Variants in FLNA observed in about 807,000 individuals in gnomAD.
FLNA encodes the protein filamin-A.
FLNA carries 7 observed loss-of-function variants against 157.6 expected under a neutral mutation model. The ratio of observed to expected loss-of-function variants is 0.04; its 90% CI spans 0.03 to 0.08. The LOEUF is 0.08. Among genes scored for constraint, FLNA ranks in the 10% least tolerant of loss-of-function variants. The probability of loss-of-function intolerance (pLI) is 1.00; values close to 1 mark genes in which losing one functional copy is unlikely to be tolerated. For missense variants in FLNA, 1,750 were observed against 2,398.4 expected (o/e 0.73, Z 5.65); for synonymous variants, 1,103 against 1,060.8 (o/e 1.04, Z -0.77).
chrX:154,367,345 C>G (rs1213299218), intron 5 of FLNA, 52 bp downstream of exon 5: 39 of 1,188,280 alleles, frequency 3.3e-5, no homozygotes, highest in Non-Finnish European at 4.2e-5. Context: ...GGGACACTGT[C>G]TTATGGGGAA....
chrX:154,353,919 TC>T lies in FLNA; in HGVS notation c.5681del (p.Gly1894GlufsTer42), dbSNP rs1557176323. 8.3e-7 allele frequency: 1 copy of T among 1,212,055 alleles called. No individual in the cohort carries two copies. Among genetic ancestry groups the T allele is most frequent in the Admixed American group, 2.2e-5 (1 of 46,146 alleles). On this transcript the variant is annotated frameshift_variant, in exon 35 of 48. Transcript: ENST00000369850. LOFTEE classifies it high-confidence loss of function. The part of the protein sequence containing the change: ...ATFTVNTKDA[G>X]EGGLSLAIEG... ...AAGACCAGAGCTATTGCTCACCCTC[TC>T]CTGCATCCTTGGTGTTGACGGTGAA...
At position 154,370,913 on chromosome X, in the gene FLNA, G is replaced by A. The variant is rs782684723; in HGVS notation, c.333C>T (p.Leu111=). 12 of 1,210,856 alleles carry A rather than the reference G, an allele frequency of 9.9e-6. No homozygotes were observed. The highest frequency in any genetic ancestry group is 2.2e-5 in the Admixed American group (1 of 46,110). ...TGATGCTCTCGCGGTCCAGGAACTC[G>A]AGCGCCACCGACACGTTCTCAAGCT... ...QMQLENVSVA[L]EFLDRESIKL... Residue 111 remains leucine (L), a synonymous_variant, in exon 2 of 48, where the codon CTC becomes CTT. Coordinates refer to ENST00000369850, the MANE Select transcript of FLNA (RefSeq NM_001110556.2).
intron 28 of FLNA, 103 bp downstream of exon 28, chrX:154,358,096 C>T: frequency 2.1e-6 from 2 of 961,478 alleles, no homozygotes; most frequent in Admixed American, 2.2e-5. Context: ...CTTCCCTGCC[C>T]TCCTTGGTGC....
In FLNA at chrX:154,362,412, A is replaced by G; in HGVS notation, c.2565+6T>C. On this transcript the variant is annotated splice_donor_region_variant and intron_variant, in intron 17 of 47. Coordinates refer to ENST00000369850, the MANE Select transcript of FLNA (RefSeq NM_001110556.2). ...ACATCTTAGCGGCCAGGAGCGCAGC[A>G]CCCACCTGGTCAGCAAAGAGGACCA... 1 of 1,210,672 alleles carries G rather than the reference A, an allele frequency of 8.3e-7. No individual in the cohort carries two copies. Among genetic ancestry groups the G allele is most frequent in the Non-Finnish European group, 1.1e-6 (1 of 894,846 alleles).
rs929704371 is a variant in FLNA, at chrX:154,348,950, T to C, written c.7843A>G (p.Ser2615Gly). ...LVKHVGSRLYSVSYLLKDKGE... is the reference protein window; with the variant it reads ...LVKHVGSRLYGVSYLLKDKGE... ...TTGTCCTTGAGCAGGTAGGACACGC[T>C]GTAGAGCCGGCTGCCCACGTGCTTC... Residue 2615 changes from serine to glycine, a missense_variant, in exon 48 of 48, where the codon AGC becomes GGC. Physicochemically the swap from Ser to Gly is moderately conservative, Grantham distance 56 (BLOSUM62 0). Coordinates refer to ENST00000369850, the MANE Select transcript of FLNA (RefSeq NM_001110556.2). 7 of 1,209,483 alleles carry C rather than the reference T, an allele frequency of 5.8e-6. No homozygotes were observed. The highest frequency in any genetic ancestry group is 1.7e-5 in the African/African-American group (1 of 57,268).
rs201904661 is a variant in FLNA at position 154,358,217 on chromosome X, C to T, written c.4737G>A (p.Leu1579=). Residue 1579 remains leucine (L), a synonymous_variant, in exon 28 of 48, where the codon CTG becomes CTA. Coordinates refer to ENST00000369850, the MANE Select transcript of FLNA (RefSeq NM_001110556.2). ...AGCTCACCGTGATCTGGACAGCCAG[C>T]AGGCCCTCCCCGGCGTCCTTTGCAT... ...TIDAKDAGEG[L]LAVQITDPEG... is the part of the protein sequence containing the mutation. 5.0e-6 allele frequency: 6 copies of T among 1,209,509 alleles called. No homozygotes were observed. The African/African-American group carries it at 8.7e-5, about 18-fold the overall frequency.
rs782417775 is a variant in FLNA, at chrX:154,353,145, G to T, written c.6082C>A (p.Gln2028Lys). The T allele has an allele frequency of 1.7e-6, 2 of 1,211,617 alleles. No homozygotes were observed. The highest frequency in any genetic ancestry group is 2.2e-6 in the Non-Finnish European group (2 of 895,511). Residue 2028 changes from glutamine (Q) to lysine (K), a missense_variant, in exon 38 of 48, where the codon CAG becomes AAG. Physicochemically the swap from Gln to Lys is moderately conservative, Grantham distance 53. Coordinates refer to ENST00000369850, the MANE Select transcript of FLNA (RefSeq NM_001110556.2). ...EHLVHVKKNG[Q>K]HVASSPIPVV... ...GGGATGGGGCTGCTGGCCACGTGCT[G>T]GCCATTTTTCTTCACATGCACCAGG...
At chrX:154,361,068 A>G (rs2067704699) in intron 21 of FLNA, among the ~76,000 whole-genome samples, 5 of 93,462 alleles carry the variant, frequency 5.3e-5, no homozygotes, top group African/African-American at 2.0e-4. Context: ...AAAAAAAAAA[A>G]AAAAAAAAAA....
Position 154,359,353 on chromosome X carries a change from T to C in FLNA, c.4196A>G (p.Lys1399Arg). 8.3e-7 allele frequency: 1 copy of C among 1,211,348 alleles called. No homozygotes were observed. Among genetic ancestry groups the C allele is most frequent in the Non-Finnish European group, 1.1e-6 (1 of 895,543 alleles). ...GLAVEGPSEAKMSCMDNKDGS... is the reference protein window; with the variant it reads ...GLAVEGPSEARMSCMDNKDGS... Reference sequence around the variant, plus strand: ...GTCCTTGTTATCCATGCAGGACATCTTGGCCTCGGAGGGGCCCTCTACAGC... The same window carrying C: ...GTCCTTGTTATCCATGCAGGACATCCTGGCCTCGGAGGGGCCCTCTACAGC... Residue 1399 changes from lysine (K) to arginine (R), a missense_variant, in exon 25 of 48, where the codon AAG becomes AGG. Physicochemically the swap from Lys to Arg is conservative, Grantham distance 26. Coordinates refer to ENST00000369850, the MANE Select transcript of FLNA (RefSeq NM_001110556.2).
intron 15 of FLNA, 28 bp from the exon 16 acceptor site, chrX:154,362,812 G>A (rs1557178398): frequency 1.7e-6 from 2 of 1,179,959 alleles, no homozygotes; most frequent in African/African-American, 1.8e-5. Flanking sequence ...AAGGGCAAGG[G>A]CATGAGCAGC....
At chrX:154,351,115 C>A in intron 43 of FLNA, 74 bp from the exon 44 acceptor site, 1 of 1,125,144 alleles carries the variant, frequency 8.9e-7, no homozygotes, top group Non-Finnish European at 1.2e-6. Context: ...GCCCCAGGAG[C>A]AAGAGGCCCG....
intron 1 of FLNA, among the ~76,000 whole-genome samples, chrX:154,373,815 G>A (rs905891883): frequency 1.8e-5 from 2 of 113,285 alleles, no homozygotes; most frequent in Non-Finnish European, 3.7e-5. Flanking sequence ...CGGTGCACTC[G>A]GAGCACTTAC....
chrX:154,348,680 T>G lies in FLNA; in HGVS notation c.*169A>C. ...CTCTGCCCAAGTGAAAGCCGAGAGG[T>G]CAGCGGCTGGCTGGGGAGGCAGGTG... On this transcript the variant is annotated 3_prime_UTR_variant, in exon 48 of 48. Transcript: ENST00000369850. 1 of 436,974 alleles carries G rather than the reference T, an allele frequency of 2.3e-6. No homozygotes were observed. The highest frequency in any genetic ancestry group is 4.1e-5 in the East Asian group (1 of 24,580). The allele number at this position is 436,974 out of a possible 1,213,427, so 36.0% of individuals were successfully genotyped here.
Position 154,353,211 on chromosome X carries a change from AC to A in FLNA, c.6023-8del. ...TTGGGCACGAATGAAATCCCTGGAC[AC>A]AGGGCATGGCTGTCAGTCAGGGAGG... is the stretch of plus-strand genomic sequence containing the variant. On this transcript the variant is annotated splice_region_variant and splice_polypyrimidine_tract_variant and intron_variant, in intron 37 of 47. Transcript: ENST00000369850. 8.3e-7 allele frequency: 1 copy of A among 1,210,748 alleles called. No homozygotes were observed. The highest frequency in any genetic ancestry group is 1.1e-6 in the Non-Finnish European group (1 of 894,623).
rs782740450 is a variant in FLNA at position 154,353,082 on chromosome X, G to A, written c.6145C>T (p.Arg2049Cys). The stretch of plus-strand genomic sequence containing the variant: ...AGGCCCTGACCAGAGACCCGAACAC[G>A]ACTGGCATCCCCAATTTCCGACTGG... ...ISQSEIGDAS[R>C]VRVSGQGLHE... The change falls in exon 38 of 48, where the codon CGT (arginine) becomes TGT (cysteine). Residue 2049 changes from arginine (R) to cysteine (C), a missense_variant. Transcript: ENST00000369850. 3.3e-6 allele frequency: 4 copies of A among 1,211,529 alleles called. No individual in the cohort carries two copies. Among genetic ancestry groups the A allele is most frequent in the Admixed American group, 2.2e-5 (1 of 46,079 alleles).
chrX:154,348,708 C>T lies in FLNA; in HGVS notation c.*141G>A, dbSNP rs2067592650. Reference sequence around the variant, plus strand: ...GCGGCTGGCTGGGGAGGCAGGTGAGCGCAGCACGGCACAGGGCAGGGGCGG... The same window carrying T: ...GCGGCTGGCTGGGGAGGCAGGTGAGTGCAGCACGGCACAGGGCAGGGGCGG... On this transcript the variant is annotated 3_prime_UTR_variant, in exon 48 of 48. Coordinates refer to ENST00000369850, the MANE Select transcript of FLNA (RefSeq NM_001110556.2). 4 of 529,262 alleles carry T rather than the reference C, an allele frequency of 7.6e-6. No homozygotes were observed. Among genetic ancestry groups the T allele is most frequent in the Non-Finnish European group, 6.0e-6 (2 of 331,176 alleles). 43.6% of individuals were successfully genotyped at this position (529,262 alleles called of 1,213,427 possible). A position where few individuals can be genotyped will look rare whatever the true frequency, so the allele number is the denominator to read the frequency against.
chrX:154,372,434 T>G (rs2067815523), intron 1 of FLNA, among the ~76,000 whole-genome samples: 1 of 111,666 alleles, frequency 9.0e-6, no homozygotes, highest in African/African-American at 3.3e-5. Context: ...TGGGTGGGCT[T>G]CAGGTGTGGT....
chrX:154,361,084 G>GAAAA (rs374641129), intron 21 of FLNA, among the ~76,000 whole-genome samples: 3 of 52,488 alleles, frequency 5.7e-5, no homozygotes, highest in Non-Finnish European at 9.8e-5. Flanking sequence ...AAAAAAGAAA[G>GAAAA]AAAAAAAAAA....
Position 154,370,823 on chromosome X carries a change from C to G in FLNA, c.373+50G>C, listed in dbSNP as rs782015693. ...GGGTCCGCCCGGGGAGATGGAAGGA[C>G]GCACGGAGTCCCCGCCCCCGCCCGC... On this transcript the variant is annotated intron_variant, in intron 2 of 47. Transcript: ENST00000369850. 8 of 1,183,021 alleles carry G rather than the reference C, an allele frequency of 6.8e-6. No homozygotes were observed. In the African/African-American group the frequency reaches 1.4e-4, roughly 21 times the overall value.
Sources: gnomAD v4.1 joint callset for allele counts (sites outside exome capture counted in the v4.1 genomes callset) on GRCh38, gnomAD v4.1.1 for gene constraint, MANE v1.5 for transcripts, NCBI Gene and HGNC (gene_info 2026-07-23, HGNC 2026-07-21) for gene names.